The following WASHC5 variants were observed in gnomAD, a reference collection of about 807,000 sequenced individuals.
WASHC5 encodes the protein WASH complex subunit 5.
Under a neutral mutation model 150.4 loss-of-function variants are expected in WASHC5, and 101 were observed. That is an observed-to-expected ratio of 0.67 (90% CI 0.57 to 0.79). The LOEUF (loss-of-function observed/expected upper bound fraction) is 0.79. Ranked by LOEUF, WASHC5 falls within the 30% of genes least tolerant of loss-of-function variation. The pLI, the probability that WASHC5 is intolerant of heterozygous loss-of-function variation, is 0.00. For synonymous variants in WASHC5, 467 were observed against 491.2 expected (o/e 0.95, Z 0.65); for missense variants, 1,195 against 1,396.3 (o/e 0.86, Z 2.30).
At chr8:125,037,757 G>A (rs1815759518) in intron 25 of WASHC5, among the ~76,000 whole-genome samples, 1 of 152,100 alleles carries the variant, frequency 6.6e-6, no homozygotes, top group Non-Finnish European at 1.5e-5. Context: ...GAGGGAGAGT[G>A]AAGGGAAAAG....
At position 125,083,695 on chromosome 8, in the gene WASHC5, G is replaced by T. The variant is rs1307839299; in HGVS notation, c.186+18C>A. ...TTGTAGAAAAGACAACAATAAAAAT[G>T]CTATAGAGGAAGATTACCTTAAAAT... On this transcript the variant is annotated intron_variant, in intron 2 of 28. Transcript: ENST00000318410. 4 of 1,572,850 alleles carry T rather than the reference G, an allele frequency of 2.5e-6. No homozygotes were observed. In the East Asian group the frequency reaches 9.0e-5, roughly 35 times the overall value.
intron 7 of WASHC5, among the ~76,000 whole-genome samples, chr8:125,076,079 G>A (rs947759915): frequency 6.6e-6 from 1 of 152,156 alleles, no homozygotes; most frequent in Admixed American, 6.5e-5. Context: ...AATCTCAGTA[G>A]CTAAAGCAAG....
At position 125,076,356 on chromosome 8, in the gene WASHC5, C is replaced by G; in HGVS notation, c.856G>C (p.Asp286His). 6.2e-7 allele frequency: 1 copy of G among 1,613,836 alleles called. No homozygotes were observed. The highest frequency in any genetic ancestry group is 8.5e-7 in the Non-Finnish European group (1 of 1,179,810). ...AAATTAGCAATACTTGCCCAATTAT[C>G]TGGAAAGTATTTATCCACTATCTCT... ...MREIVDKYFP[D>H]NWVISIYMGI... The change falls in exon 7 of 29, where the codon GAT becomes CAT. Residue 286 changes from aspartate to histidine, a missense_variant. Physicochemically the swap from Asp to His is moderately conservative, Grantham distance 81. This residue lies in a region of WASHC5 where 997 missense variants were observed against 1,168.1 expected (regional missense o/e 0.85). Coordinates refer to ENST00000318410, the MANE Select transcript of WASHC5 (RefSeq NM_014846.4).
At chr8:125,056,323 A>G (rs1243419915) in intron 16 of WASHC5, among the ~76,000 whole-genome samples, 1 of 152,238 alleles carries the variant, frequency 6.6e-6, no homozygotes. Context: ...TTAATGGAAT[A>G]TAGATTATTT....
intron 28 of WASHC5, among the ~76,000 whole-genome samples, chr8:125,028,248 T>C (rs1815425745): frequency 6.6e-6 from 1 of 152,228 alleles, no homozygotes; most frequent in Non-Finnish European, 1.5e-5. Flanking sequence ...AACTTAACTG[T>C]GCTTGCTGTG....
chr8:125,070,785 A>T (rs934592919), intron 9 of WASHC5, among the ~76,000 whole-genome samples: 5 of 152,370 alleles, frequency 3.3e-5, no homozygotes, highest in Admixed American at 6.5e-5. Context: ...AACAAACAAG[A>T]TGATGAAACA....
chr8:125,039,053 C>T, intron 24 of WASHC5, 94 bp from the exon 25 acceptor site: 1 of 1,322,654 alleles, frequency 7.6e-7, no homozygotes, highest in South Asian at 1.2e-5. Flanking sequence ...TTTCAAGCCT[C>T]AGTTTCCTCA....
chr8:125,084,686 C>T (rs576556337), intron 1 of WASHC5, among the ~76,000 whole-genome samples: 21 of 152,346 alleles, frequency 1.4e-4, no homozygotes, highest in Admixed American at 1.2e-3. Flanking sequence ...TGAATATTAT[C>T]GTTGCTTACA....
At chr8:125,052,486 A>G (rs1394510100) in intron 17 of WASHC5, among the ~76,000 whole-genome samples, 2 of 151,880 alleles carry the variant, frequency 1.3e-5, no homozygotes, top group Non-Finnish European at 2.9e-5. Flanking sequence ...CCTTACACAT[A>G]TATTTAATTT....
chr8:125,028,587 T>G lies in WASHC5; in HGVS notation c.3423+33A>C. 3 of 1,463,146 alleles carry G rather than the reference T, an allele frequency of 2.1e-6. No individual in the cohort carries two copies. The South Asian group carries it at 3.4e-5, about 17-fold the overall frequency. 90.6% of individuals were successfully genotyped at this position (1,463,146 alleles called of 1,614,324 possible). ...ACTATTATTAGCATCTTTTTACAAC[T>G]ATTAATATTGTTCTTTACTATCTAT... On this transcript the variant is annotated intron_variant, in intron 28 of 28. Transcript: ENST00000318410.
chr8:125,074,491 TG>T (rs748581628), intron 8 of WASHC5, among the ~76,000 whole-genome samples: 43 of 152,322 alleles, frequency 2.8e-4, no homozygotes, highest in Non-Finnish European at 3.7e-4. Context: ...TGTTCCCTTC[TG>T]CCTTGTGTAA....
At position 125,044,716 on chromosome 8, in the gene WASHC5, CA is replaced by C; in HGVS notation, c.2505-19del. The stretch of plus-strand genomic sequence containing the variant: ...ATGTCATTCTAAAATGAAAACAATG[CA>C]AAAACCCCAGAATGGCTCAGAATTC... On this transcript the variant is annotated intron_variant, in intron 20 of 28. Transcript: ENST00000318410. 6.2e-7 allele frequency: 1 copy of C among 1,612,800 alleles called. No homozygotes were observed. Among genetic ancestry groups the C allele is most frequent in the Non-Finnish European group, 8.5e-7 (1 of 1,179,368 alleles).
chr8:125,057,861 C>G (rs1816459823), intron 14 of WASHC5, among the ~76,000 whole-genome samples, 195 bp from the exon 15 acceptor site: 1 of 152,086 alleles, frequency 6.6e-6, no homozygotes, highest in African/African-American at 2.4e-5. Context: ...GCTCCCTGGA[C>G]CAGTAGCTTC....
chr8:125,060,324 T>C (rs1816556271), intron 12 of WASHC5, among the ~76,000 whole-genome samples: 1 of 152,004 alleles, frequency 6.6e-6, no homozygotes, highest in South Asian at 2.1e-4. Flanking sequence ...CCGTCTCTAC[T>C]AAAAATACAA....
At chr8:125,075,402 A>G (rs1420823712) in intron 7 of WASHC5, among the ~76,000 whole-genome samples, 3 of 149,940 alleles carry the variant, frequency 2.0e-5, no homozygotes, top group Non-Finnish European at 4.4e-5. Flanking sequence ...ATTGGTTGGC[A>G]ATTGCCTGGG....
At position 125,076,426 on chromosome 8, in the gene WASHC5, GA is replaced by G. The variant is rs1817062241; in HGVS notation, c.785del (p.Leu262ProfsTer15). 6.2e-7 allele frequency: 1 copy of G among 1,613,990 alleles called. No homozygotes were observed. Among genetic ancestry groups the G allele is most frequent in the Non-Finnish European group, 8.5e-7 (1 of 1,179,952 alleles). The stretch of plus-strand genomic sequence containing the variant: ...TGTGAAGGATGGAAGGCTCAAAGTA[GA>G]GAATCACGTACAGCATGGCAGCTTG... ...ANQAAMLYVILYFEPSILHTH... is the reference protein window; with the variant it reads ...ANQAAMLYVIXYFEPSILHTH... On this transcript the variant is annotated frameshift_variant, in exon 7 of 29. Coordinates refer to ENST00000318410, the MANE Select transcript of WASHC5 (RefSeq NM_014846.4). LOFTEE classifies it high-confidence loss of function.
chr8:125,024,280 T>C lies in WASHC5; in HGVS notation c.*337A>G, dbSNP rs567758658. On this transcript the variant is annotated 3_prime_UTR_variant, in exon 29 of 29. Transcript: ENST00000318410. ...ACGACTTTGGGTACTAGTAATACTA[T>C]TTTACTGAAAATCTGGAGTTGCACA... 8.4e-5 allele frequency: 30 copies of C among 355,368 alleles called. No individual in the cohort carries two copies. Among genetic ancestry groups the C allele is most frequent in the Non-Finnish European group, 1.5e-4 (29 of 188,828 alleles). 22.0% of individuals were successfully genotyped at this position (355,368 alleles called of 1,614,324 possible).
At chr8:125,080,562 G>A (rs79030160) in intron 5 of WASHC5, among the ~76,000 whole-genome samples, 13,690 of 152,194 alleles carry the variant, frequency 0.09, 682 homozygotes, top group African/African-American at 0.11. Flanking sequence ...TAATTTTTAA[G>A]TTTGAAAATG....
chr8:125,079,114 G>GTATATATATATATA (rs1194077815), intron 5 of WASHC5, among the ~76,000 whole-genome samples, 184 bp from the exon 6 acceptor site: 12 of 71,954 alleles, frequency 1.7e-4, no homozygotes, highest in South Asian at 4.1e-4. Context: ...GTGTGTGTGT[G>GTATATATATATATA]TGTATATATA....
Sources: allele counts gnomAD v4.1 joint callset (sites outside exome capture counted in the v4.1 genomes callset), GRCh38; gene constraint gnomAD v4.1.1; regional missense constraint gnomAD v4.1.1; transcripts MANE v1.5; gene names NCBI Gene and HGNC (gene_info 2026-07-23, HGNC 2026-07-21).